Variants in KATNAL2 observed in about 807,000 individuals in gnomAD.
The protein encoded by KATNAL2 is katanin p60 ATPase-containing subunit A-like 2.
In KATNAL2, 52 loss-of-function variants were observed where a neutral mutation model predicts 76.3. The ratio of observed to expected loss-of-function variants is 0.68; its 90% CI spans 0.55 to 0.86. The LOEUF (loss-of-function observed/expected upper bound fraction) is 0.86. Ranked by LOEUF, KATNAL2 falls within the 40% of genes least tolerant of loss-of-function variation. KATNAL2 has a pLI of 0.00. For synonymous variants in KATNAL2, 243 were observed against 244.2 expected (o/e 1.00, Z 0.05); for missense variants, 660 against 668.9 (o/e 0.99, Z 0.15).
intron 15 of KATNAL2, among the ~76,000 whole-genome samples, chr18:47,096,215 G>T (rs759427514): frequency 6.6e-6 from 1 of 152,068 alleles, no homozygotes; most frequent in Non-Finnish European, 1.5e-5. Flanking sequence ...AGTTTAAAAA[G>T]AAATATTGTA....
intron 12 of KATNAL2, 32 bp downstream of exon 12, chr18:47,069,315 T>G (rs1376770031): frequency 1.3e-6 from 2 of 1,574,232 alleles, no homozygotes; most frequent in Admixed American, 3.4e-5. Context: ...GATGTCAGTG[T>G]TAAGTGTGTG....
At position 46,917,929 on chromosome 18, in the gene KATNAL2, A is replaced by C. The variant is rs2058177730; in HGVS notation, c.-510+3A>C. The C allele has an allele frequency of 6.6e-6, 1 of 152,306 alleles. No homozygotes were observed. The highest frequency in any genetic ancestry group is 2.4e-5 in the African/African-American group (1 of 41,560). The allele number at this position is 152,306 out of a possible 1,614,324, so 9.4% of individuals were successfully genotyped here. ...AATAATCTAAATATGGGTGTTGGGT[A>C]AGCTATTGTTCCCATCTAATGGTGA... On this transcript the variant is annotated splice_donor_region_variant and intron_variant, in intron 1 of 17. Transcript: ENST00000683218.
Position 47,034,257 on chromosome 18 carries a change from C to G in KATNAL2, c.52-12200C>G, listed in dbSNP as rs753485892. The G allele has an allele frequency of 6.8e-6, 11 of 1,613,944 alleles. No individual in the cohort carries two copies. The highest frequency in any genetic ancestry group is 9.3e-6 in the Non-Finnish European group (11 of 1,179,868). On this transcript the variant is annotated intron_variant, in intron 3 of 17. Transcript: ENST00000683218. ...CTCGGTCGTTGGAAAGCTGCTCTTT[C>G]TCCTCGGGCGACAGGCCGTGTGTCC...
chr18:46,938,194 A>G (rs1488879255), intron 1 of KATNAL2, among the ~76,000 whole-genome samples: 1 of 152,214 alleles, frequency 6.6e-6, no homozygotes, highest in East Asian at 1.9e-4. Flanking sequence ...GTTAAATGAA[A>G]AGGTCAAGTT....
In KATNAL2 at chr18:46,958,127, G is replaced by GT. The variant is rs369930015; in HGVS notation, c.51+11214dup. Reference sequence around the variant, plus strand: ...TGTCTTTAAACTGGGACAGCGTTTTGTTTTTTTTTTCTGCATTTGGACTCA... The same window carrying GT: ...TGTCTTTAAACTGGGACAGCGTTTTGTTTTTTTTTTTCTGCATTTGGACTCA... On this transcript the variant is annotated intron_variant, in intron 3 of 17. Transcript: ENST00000683218. Among the ~76,000 whole-genome samples, 993 of 148,028 alleles carry GT rather than the reference G, an allele frequency of 6.7e-3. 7 individuals carry two copies. The highest frequency in any genetic ancestry group is 0.022 in the African/African-American group (897 of 40,544).
At position 47,058,221 on chromosome 18, in the gene KATNAL2, G is replaced by A. The variant is rs749658757; in HGVS notation, c.333-14G>A. 1.3e-6 allele frequency: 2 copies of A among 1,552,958 alleles called. No homozygotes were observed. Among genetic ancestry groups the A allele is most frequent in the Admixed American group, 1.7e-5 (1 of 59,708 alleles). ...TAGAATAATTTCTTCCAAGGTCTTT[G>A]TTCCCTCCCTTAGGATGATGAACGA... On this transcript the variant is annotated splice_polypyrimidine_tract_variant and intron_variant, in intron 6 of 17. Coordinates refer to ENST00000683218, the MANE Select transcript of KATNAL2 (RefSeq NM_001387690.1).
intron 3 of KATNAL2, among the ~76,000 whole-genome samples, chr18:46,965,588 C>CCCCCA (rs2060101569): frequency 2.1e-5 from 2 of 94,348 alleles, no homozygotes; most frequent in African/African-American, 9.0e-5. Context: ...CCCGCCCCCC[C>CCCCCA]CCCCCCGCCC....
In KATNAL2 at chr18:46,923,882, C is replaced by A. The variant is rs531217488; in HGVS notation, c.-510+5956C>A. 1.4e-3 allele frequency among the ~76,000 whole-genome samples: 219 copies of A among 152,112 alleles called. 1 individual carries two copies. Among genetic ancestry groups the A allele is most frequent in the African/African-American group, 4.6e-3 (191 of 41,512 alleles). ...GCTGCATAAATGTCTTCTTTTGAGA[C>A]GTGTCTGTTCATATCCTTTGCCCAC... On this transcript the variant is annotated intron_variant, in intron 1 of 17. Transcript: ENST00000683218.
At chr18:47,084,847 T>TAAAAAAAAA (rs34034453) in intron 15 of KATNAL2, among the ~76,000 whole-genome samples, 857 of 25,542 alleles carry the variant, frequency 0.034, 209 homozygotes, top group Middle Eastern at 0.1. Flanking sequence ...AGACTCTGTC[T>TAAAAAAAAA]AAAAAAAAAA....
chr18:47,053,513 T>C (rs1231390654), intron 5 of KATNAL2, among the ~76,000 whole-genome samples: 3 of 152,130 alleles, frequency 2.0e-5, no homozygotes, highest in Non-Finnish European at 2.9e-5. Context: ...TAATGATCAA[T>C]ATAATATAAA....
chr18:47,081,349 A>G (rs958276075), intron 15 of KATNAL2, among the ~76,000 whole-genome samples: 1 of 152,238 alleles, frequency 6.6e-6, no homozygotes, highest in Non-Finnish European at 1.5e-5. Flanking sequence ...TTTAAAAAGT[A>G]AAAATAAATT....
intron 5 of KATNAL2, among the ~76,000 whole-genome samples, 198 bp downstream of exon 5, chr18:47,053,244 T>C (rs1260320677): frequency 1.3e-5 from 2 of 152,204 alleles, no homozygotes; most frequent in African/African-American, 4.8e-5. Context: ...TTAGGCACTT[T>C]GGCATTTGTT....
Position 47,077,361 on chromosome 18 carries a change from G to A in KATNAL2, c.1111G>A (p.Glu371Lys), listed in dbSNP as rs2062286871. 2 of 1,613,500 alleles carry A rather than the reference G, an allele frequency of 1.2e-6. No individual in the cohort carries two copies. The highest frequency in any genetic ancestry group is 3.3e-5 in the Admixed American group (2 of 60,014). The change falls in exon 15 of 18, where the codon GAA becomes AAA. Residue 371 changes from glutamate to lysine, a missense_variant. Transcript: ENST00000683218. The part of the protein sequence containing the change: ...QRGTASGGEH[E>K]GSLRMKTELL... ...CTTGTCTCTCTGTAGGGGAGAACATGAAGGAAGCCTGCGGATGAAGACAGA... is the reference window on the plus strand; with the variant it reads ...CTTGTCTCTCTGTAGGGGAGAACATAAAGGAAGCCTGCGGATGAAGACAGA...
At chr18:47,068,150 C>A (rs1599741827) in intron 11 of KATNAL2, among the ~76,000 whole-genome samples, 1 of 152,226 alleles carries the variant, frequency 6.6e-6, no homozygotes, top group Non-Finnish European at 1.5e-5. Context: ...AGTCACAGGG[C>A]CAGGCCCAGA....
intron 15 of KATNAL2, among the ~76,000 whole-genome samples, chr18:47,097,703 G>T (rs1164281202): frequency 1.3e-5 from 2 of 152,196 alleles, no homozygotes; most frequent in Non-Finnish European, 2.9e-5. Context: ...ATGATGGAAG[G>T]TATTTTGGGG....
At chr18:46,918,535 A>G (rs963123627) in intron 1 of KATNAL2, among the ~76,000 whole-genome samples, 22 of 151,978 alleles carry the variant, frequency 1.4e-4, no homozygotes, top group African/African-American at 4.8e-4. Context: ...GCTCACCGCA[A>G]TGTCTGCCTC....
chr18:47,037,301 T>C (rs2060812160), intron 3 of KATNAL2, among the ~76,000 whole-genome samples: 2 of 152,192 alleles, frequency 1.3e-5, no homozygotes, highest in Non-Finnish European at 2.9e-5. Flanking sequence ...GATTCAATTT[T>C]GAATTTGATA....
chr18:46,932,190 C>T (rs541086233), intron 1 of KATNAL2, among the ~76,000 whole-genome samples: 6 of 152,092 alleles, frequency 3.9e-5, no homozygotes, highest in South Asian at 2.1e-4. Context: ...GGATTACAGG[C>T]GTGAGCCACC....
At chr18:46,952,625 T>C (rs1335827444) in intron 3 of KATNAL2, among the ~76,000 whole-genome samples, 2 of 152,026 alleles carry the variant, frequency 1.3e-5, no homozygotes, top group African/African-American at 2.4e-5. Flanking sequence ...GATCTCGAAC[T>C]CCTGACCTCA....
Sources: gnomAD v4.1 joint callset for allele counts (sites outside exome capture counted in the v4.1 genomes callset) on GRCh38, gnomAD v4.1.1 for gene constraint, MANE v1.5 for transcripts, NCBI Gene and HGNC (gene_info 2026-07-23, HGNC 2026-07-21) for gene names.